The following AKAP6 variants were observed in gnomAD, a reference collection of about 807,000 sequenced individuals.
The protein encoded by AKAP6 is A-kinase anchor protein 6.
AKAP6 carries 58 observed loss-of-function variants against 188.5 expected under a neutral mutation model. The observed-to-expected ratio is 0.31, with a 90% confidence interval of 0.25 to 0.38. The LOEUF is 0.38. AKAP6 is among the 10% of genes least tolerant of loss of function. The pLI, the probability that AKAP6 is intolerant of heterozygous loss-of-function variation, is 1.00. For synonymous variants in AKAP6, 989 were observed against 998.6 expected (o/e 0.99, Z 0.18); for missense variants, 2,710 against 2,740.0 (o/e 0.99, Z 0.24).
chr14:32,678,373 G>C lies in AKAP6; in HGVS notation c.2793G>C (p.Lys931Asn), dbSNP rs1309602572. 1.2e-6 allele frequency: 2 copies of C among 1,613,730 alleles called. No individual in the cohort carries two copies. The highest frequency in any genetic ancestry group is 2.2e-5 in the East Asian group (1 of 44,812). Residue 931 changes from lysine to asparagine, a missense_variant, in exon 8 of 14, where the codon AAG becomes AAC. Physicochemically the swap from Lys to Asn is moderately conservative, Grantham distance 94. Transcript: ENST00000280979. ...QRDAVEQMSL[K>N]LYSEQYTSSS... ...ATGCTGTTGAGCAGATGTCCCTCAA[G>C]CTGTACAGCGAGCAGTATACCAGCA...
intron 12 of AKAP6, among the ~76,000 whole-genome samples, chr14:32,818,178 T>G (rs1472376099): frequency 1.3e-5 from 2 of 152,162 alleles, no homozygotes; most frequent in Non-Finnish European, 2.9e-5. Flanking sequence ...TTTCCTGGAA[T>G]TGCCATACAA....
chr14:32,775,764 C>A (rs1384164390), intron 12 of AKAP6, among the ~76,000 whole-genome samples: 4 of 152,090 alleles, frequency 2.6e-5, no homozygotes, highest in Non-Finnish European at 4.4e-5. Flanking sequence ...CAAGCTTTAG[C>A]TTTGAGGCAA....
intron 1 of AKAP6, among the ~76,000 whole-genome samples, chr14:32,419,040 T>C (rs1566492652): frequency 6.6e-6 from 1 of 152,206 alleles, no homozygotes; most frequent in East Asian, 1.9e-4. Flanking sequence ...GCATTCACCT[T>C]CAATTTAGGT....
chr14:32,491,408 T>G (rs1880004915), intron 2 of AKAP6, among the ~76,000 whole-genome samples: 1 of 152,338 alleles, frequency 6.6e-6, no homozygotes, highest in East Asian at 1.9e-4. Context: ...CAAGGAAAGA[T>G]CTCTCTAAAT....
At chr14:32,564,796 C>T (rs1200430768) in intron 4 of AKAP6, among the ~76,000 whole-genome samples, 1 of 152,194 alleles carries the variant, frequency 6.6e-6, no homozygotes, top group Admixed American at 6.5e-5. Flanking sequence ...CTGGTTATTA[C>T]CAGATCTTGC....
At chr14:32,631,948 T>C (rs529346730) in intron 7 of AKAP6, among the ~76,000 whole-genome samples, 1 of 152,182 alleles carries the variant, frequency 6.6e-6, no homozygotes, top group Admixed American at 6.6e-5. Flanking sequence ...TCTACAGAGT[T>C]TTAGGAAAAG....
chr14:32,663,379 G>A (rs929272767), intron 7 of AKAP6, among the ~76,000 whole-genome samples: 1 of 152,062 alleles, frequency 6.6e-6, no homozygotes, highest in African/African-American at 2.4e-5. Flanking sequence ...CTTATTGAGT[G>A]TCTGCTGTGG....
intron 11 of AKAP6, among the ~76,000 whole-genome samples, chr14:32,758,723 A>T (rs1358319183): frequency 6.6e-6 from 1 of 152,156 alleles, no homozygotes; most frequent in Non-Finnish European, 1.5e-5. Context: ...ACAAGAGTGA[A>T]ACTCCATCTC....
At chr14:32,497,615 T>C (rs2138970127) in intron 2 of AKAP6, among the ~76,000 whole-genome samples, 2 of 152,216 alleles carry the variant, frequency 1.3e-5, no homozygotes, top group South Asian at 4.1e-4. Context: ...ACTCTCCTAA[T>C]TTACCTAAAA....
chr14:32,721,273 T>C (rs1448986001), intron 9 of AKAP6, among the ~76,000 whole-genome samples: 1 of 152,210 alleles, frequency 6.6e-6, no homozygotes, highest in African/African-American at 2.4e-5. Context: ...TGAAGTTTCA[T>C]AGCATGGAGG....
At chr14:32,633,633 C>A (rs1887368389) in intron 7 of AKAP6, among the ~76,000 whole-genome samples, 1 of 152,018 alleles carries the variant, frequency 6.6e-6, no homozygotes, top group Non-Finnish European at 1.5e-5. Flanking sequence ...AATAGCATAT[C>A]CAAATAGGAG....
intron 2 of AKAP6, among the ~76,000 whole-genome samples, chr14:32,516,737 A>G (rs548203614): frequency 1.3e-5 from 2 of 152,192 alleles, no homozygotes; most frequent in Non-Finnish European, 2.9e-5. Context: ...GGATATATCA[A>G]TTGTGAACTC....
chr14:32,835,581 T>A lies in AKAP6; in HGVS notation c.*5776T>A, dbSNP rs1486689743. ...AAATTCAGGCCATTTCACAGTCAGTTTTTTTCAAATTCATTTTTCAACTCA... is the reference window on the plus strand; with the variant it reads ...AAATTCAGGCCATTTCACAGTCAGTATTTTTCAAATTCATTTTTCAACTCA... On this transcript the variant is annotated 3_prime_UTR_variant, in exon 14 of 14. Transcript: ENST00000280979. 6.6e-6 allele frequency: 1 copy of A among 152,212 alleles called. No homozygotes were observed. The highest frequency in any genetic ancestry group is 2.4e-5 in the African/African-American group (1 of 41,456). The allele number at this position is 152,212 out of a possible 1,614,324, so 9.4% of individuals were successfully genotyped here. A position where few individuals can be genotyped will look rare whatever the true frequency, so the allele number is the denominator to read the frequency against.
chr14:32,498,706 G>A (rs1880451698), intron 2 of AKAP6, among the ~76,000 whole-genome samples: 1 of 151,996 alleles, frequency 6.6e-6, no homozygotes, highest in Non-Finnish European at 1.5e-5. Flanking sequence ...GTCAGGGAGC[G>A]AGAACTATTC....
At chr14:32,731,016 C>T (rs1368600638) in intron 9 of AKAP6, among the ~76,000 whole-genome samples, 2 of 152,094 alleles carry the variant, frequency 1.3e-5, no homozygotes, top group Non-Finnish European at 2.9e-5. Flanking sequence ...TCTAAAGCAA[C>T]CCTTGATTTT....
chr14:32,361,951 T>A (rs1178183114), intron 1 of AKAP6, among the ~76,000 whole-genome samples: 1 of 152,112 alleles, frequency 6.6e-6, no homozygotes, highest in Non-Finnish European at 1.5e-5. Flanking sequence ...CTGAGTTTTT[T>A]TTTTTCAGCA....
rs573947332 is a variant in AKAP6, at chr14:32,551,103, A to G, written c.2346+4104A>G. On this transcript the variant is annotated intron_variant, in intron 4 of 13. Coordinates refer to ENST00000280979, the MANE Select transcript of AKAP6 (RefSeq NM_004274.5). ...TTTCCAATGACTTTTCCCCATGCTCACTACACTCCCTTTCCTAGAACATAC... is the reference window on the plus strand; with the variant it reads ...TTTCCAATGACTTTTCCCCATGCTCGCTACACTCCCTTTCCTAGAACATAC... Among the ~76,000 whole-genome samples, 4 of 152,144 alleles carry G rather than the reference A, an allele frequency of 2.6e-5. No homozygotes were observed. The East Asian group carries it at 7.7e-4, about 29-fold the overall frequency.
intron 1 of AKAP6, among the ~76,000 whole-genome samples, chr14:32,394,799 T>C (rs966527426): frequency 5.9e-5 from 9 of 152,174 alleles, no homozygotes; most frequent in African/African-American, 2.2e-4. Context: ...AAGTAGTTCC[T>C]GACCTGTAGC....
chr14:32,378,144 T>C (rs181143606), intron 1 of AKAP6, among the ~76,000 whole-genome samples: 4 of 152,300 alleles, frequency 2.6e-5, no homozygotes, highest in Non-Finnish European at 5.9e-5. Context: ...AAAATGGCAA[T>C]ATTTTGCATG....
Sources: allele counts gnomAD v4.1 joint callset (sites outside exome capture counted in the v4.1 genomes callset), GRCh38; gene constraint gnomAD v4.1.1; transcripts MANE v1.5; gene names NCBI Gene and HGNC (gene_info 2026-07-23, HGNC 2026-07-21).